Variants in ADGRG1 observed in about 807,000 individuals in gnomAD.
ADGRG1 encodes the protein 7-transmembrane protein with no EGF-like N-terminal domains-1.
ADGRG1 carries 53 observed loss-of-function variants against 73.5 expected under a neutral mutation model. That is an observed-to-expected ratio of 0.72 (90% CI 0.58 to 0.91). The LOEUF (loss-of-function observed/expected upper bound fraction) is 0.91. Among genes scored for constraint, ADGRG1 ranks in the 40% least tolerant of loss-of-function variants. The pLI is 0.00. For missense variants in ADGRG1, 795 were observed against 871.8 expected (o/e 0.91, Z 1.11); for synonymous variants, 394 against 374.4 (o/e 1.05, Z -0.60).
At chr16:57,652,631 C>A in intron 3 of ADGRG1, 1 of 985,124 alleles carries the variant, frequency 1.0e-6, no homozygotes, top group Non-Finnish European at 1.2e-6. Context: ...ACCTAAAACC[C>A]AGGCTTTCTC....
chr16:57,622,770 G>A (rs1021794865), upstream of ADGRG1: 24 of 985,170 alleles, frequency 2.4e-5, no homozygotes, highest in Non-Finnish European at 2.8e-5. Context: ...TTAGGAAGAC[G>A]GGGCGGCCAC....
chr16:57,624,830 A>G (rs2035528639), upstream of ADGRG1: 1 of 386,526 alleles, frequency 2.6e-6, no homozygotes, highest in African/African-American at 2.2e-5. Flanking sequence ...CCCTCTGAAT[A>G]ACAGTGCCCT....
At chr16:57,660,907 G>T (rs372746742) in intron 12 of ADGRG1, 31 bp downstream of exon 12, 9 of 1,316,894 alleles carry the variant, frequency 6.8e-6, no homozygotes, top group African/African-American at 1.4e-5. Flanking sequence ...GGGGCAAGAA[G>T]GTGGGTCTCT....
At chr16:57,644,744 G>T (rs1179223207) in intron 1 of ADGRG1, among the ~76,000 whole-genome samples, 2 of 90,226 alleles carry the variant, frequency 2.2e-5, no homozygotes, top group East Asian at 4.0e-4. Context: ...CTGATCACAC[G>T]TATGCACGGG....
intron 1 of ADGRG1, chr16:57,631,803 C>T (rs1184483827): frequency 1.0e-6 from 1 of 985,348 alleles, no homozygotes; most frequent in African/African-American, 1.7e-5. Context: ...TGAGACCCTG[C>T]CCCTCCTCCT....
chr16:57,661,670 G>A (rs568860652), intron 12 of ADGRG1, 27 bp from the exon 13 acceptor site: 18 of 1,605,266 alleles, frequency 1.1e-5, no homozygotes, highest in East Asian at 4.5e-5. Flanking sequence ...CTGGCCACAC[G>A]CTGAGCCCTC....
chr16:57,650,065 A>G (rs1482376439), intron 1 of ADGRG1, 188 bp from the exon 2 acceptor site: 11 of 923,624 alleles, frequency 1.2e-5, no homozygotes, highest in Non-Finnish European at 1.4e-5. Context: ...GACATAAGTC[A>G]CCACGCCTGG....
At chr16:57,645,224 G>A in intron 1 of ADGRG1, 2 of 985,440 alleles carry the variant, frequency 2.0e-6, no homozygotes, top group Non-Finnish European at 2.4e-6. Flanking sequence ...CTAGGGCAGT[G>A]GAAGTTGAGC....
At chr16:57,658,595 A>T (rs1260913729) in intron 10 of ADGRG1, among the ~76,000 whole-genome samples, 1 of 152,190 alleles carries the variant, frequency 6.6e-6, no homozygotes, top group East Asian at 1.9e-4. Context: ...GGTGATGGTG[A>T]TGAGGAAGGA....
chr16:57,663,767 T>C lies in ADGRG1; in HGVS notation c.*185T>C, dbSNP rs1185469589. ...CCGGGCTGGGCTTTTGAATTGGCCT[T>C]GGGGACTACTCGGCTCTCACTCAGC... On this transcript the variant is annotated 3_prime_UTR_variant, in exon 14 of 14. Transcript: ENST00000562631. The C allele has an allele frequency of 1.5e-6, 1 of 670,072 alleles. No individual in the cohort carries two copies. Among genetic ancestry groups the C allele is most frequent in the African/African-American group, 1.8e-5 (1 of 55,694 alleles). The allele number at this position is 670,072 out of a possible 1,614,324, so 41.5% of individuals were successfully genotyped here.
chr16:57,630,431 C>T lies in ADGRG1; in HGVS notation c.-36+1629C>T, dbSNP rs570626820. The T allele has an allele frequency of 4.3e-5, 42 of 985,852 alleles. No homozygotes were observed. The African/African-American group carries it at 4.9e-4, about 11-fold the overall frequency. The allele number at this position is 985,852 out of a possible 1,614,324, so 61.1% of individuals were successfully genotyped here. ...TTGGTCACAGCATCACTGTGGCCCCCTTGCCCTTCCTCTCCTCTCGCCTCA... is the reference window on the plus strand; with the variant it reads ...TTGGTCACAGCATCACTGTGGCCCCTTTGCCCTTCCTCTCCTCTCGCCTCA... On this transcript the variant is annotated intron_variant, in intron 1 of 13. Coordinates refer to ENST00000562631, the MANE Select transcript of ADGRG1 (RefSeq NM_201525.4).
Position 57,655,402 on chromosome 16 carries a change from G to T in ADGRG1, c.772G>T (p.Glu258Ter). Reference protein sequence around the residue: ...DLHIHSRQEEEQSEIMEYSVL... With the variant: ...DLHIHSRQEE Reference sequence around the variant, plus strand: ...AGCCCTAAAGGGACCTCTGCAGGAGGAGCAGAGCGAGATCATGGAGTACTC... The same window carrying T: ...AGCCCTAAAGGGACCTCTGCAGGAGTAGCAGAGCGAGATCATGGAGTACTC... The change falls in exon 6 of 14, where the codon GAG (glutamate) becomes TAG (stop). Residue 258 changes from glutamate (E) to a stop codon, truncating the protein, a stop_gained. Coordinates refer to ENST00000562631, the MANE Select transcript of ADGRG1 (RefSeq NM_201525.4). LOFTEE classifies it high-confidence loss of function. 1 of 1,613,130 alleles carries T rather than the reference G, an allele frequency of 6.2e-7. No individual in the cohort carries two copies. The highest frequency in any genetic ancestry group is 8.5e-7 in the Non-Finnish European group (1 of 1,179,954).
At chr16:57,637,576 G>A (rs1257354329) in intron 1 of ADGRG1, 7 of 985,316 alleles carry the variant, frequency 7.1e-6, no homozygotes, top group South Asian at 9.4e-5. Context: ...AGCCTTTCCG[G>A]GAGAAGGTTT....
At chr16:57,629,164 G>C in intron 1 of ADGRG1, 1 of 984,802 alleles carries the variant, frequency 1.0e-6, no homozygotes, top group Non-Finnish European at 1.2e-6. Context: ...GTGAAATGGG[G>C]AAATGGGGGG....
At chr16:57,630,081 T>C (rs1210941914) in intron 1 of ADGRG1, 1 of 838,944 alleles carries the variant, frequency 1.2e-6, no homozygotes, top group African/African-American at 1.8e-5. Context: ...GAGCGCTTAC[T>C]GTGCACTCTG....
intron 1 of ADGRG1, among the ~76,000 whole-genome samples, chr16:57,644,816 A>C (rs2042075056): frequency 7.3e-6 from 1 of 137,224 alleles, no homozygotes; most frequent in Non-Finnish European, 1.5e-5. Context: ...ATCACTCCTC[A>C]CACACATGCA....
intron 1 of ADGRG1, chr16:57,645,437 C>G (rs1180920190): frequency 1.7e-6 from 1 of 583,356 alleles, no homozygotes; most frequent in African/African-American, 2.0e-5. Flanking sequence ...TTCCAGGGCC[C>G]CGCTAAATGC....
chr16:57,649,795 T>A lies in ADGRG1; in HGVS notation c.-35-458T>A, dbSNP rs58058519. Among the ~76,000 whole-genome samples the A allele has an allele frequency of 0.018, 2,734 of 151,756 alleles. 183 individuals carry two copies. In the East Asian group the frequency reaches 0.23, roughly 13 times the overall value. On this transcript the variant is annotated intron_variant, in intron 1 of 13. Coordinates refer to ENST00000562631, the MANE Select transcript of ADGRG1 (RefSeq NM_201525.4). ...AGCCACTCCCCCGCCTTTTTTTTTT[T>A]AAAGCAGGGTCTCACTCTGTCACCC...
In ADGRG1 at chr16:57,654,087, AG is replaced by A. The variant is rs777085044; in HGVS notation, c.723del (p.Gln241HisfsTer82). The A allele has an allele frequency of 6.2e-7, 1 of 1,613,822 alleles. No homozygotes were observed. Among genetic ancestry groups the A allele is most frequent in the East Asian group, 2.2e-5 (1 of 44,878 alleles). On this transcript the variant is annotated frameshift_variant, in exon 5 of 14. Coordinates refer to ENST00000562631, the MANE Select transcript of ADGRG1 (RefSeq NM_201525.4). LOFTEE classifies it high-confidence loss of function. Reference protein sequence around the residue: ...DRINATVWKLQPTAGLQDLHI... With the variant: ...DRINATVWKLXPTAGLQDLHI... Reference sequence around the variant, plus strand: ...ATCAACGCCACGGTGTGGAAGCTCCAGCCCACAGCCGGCCTCCAGGACCTGC... The same window carrying A: ...ATCAACGCCACGGTGTGGAAGCTCCACCCACAGCCGGCCTCCAGGACCTGC...
Sources: allele counts gnomAD v4.1 joint callset (sites outside exome capture counted in the v4.1 genomes callset), GRCh38; gene constraint gnomAD v4.1.1; transcripts MANE v1.5; gene names NCBI Gene and HGNC (gene_info 2026-07-23, HGNC 2026-07-21).